SGCZ: variants seen among roughly 807,000 people sequenced by gnomAD.
SGCZ encodes the protein sarcoglycan zeta.
Under a neutral mutation model 41.3 loss-of-function variants are expected in SGCZ, and 40 were observed. The observed-to-expected ratio is 0.97, with a 90% CI of 0.75 to 1.26. SGCZ has a LOEUF of 1.26. Among genes scored for constraint, SGCZ ranks in the 50% most tolerant of loss-of-function variants. SGCZ has a pLI of 0.00. For synonymous variants in SGCZ, 206 were observed against 137.5 expected (o/e 1.50, Z -3.49); for missense variants, 552 against 369.8 (o/e 1.49, Z -4.04).
chr8:15,237,339 C>T (rs1030809940), intron 1 of SGCZ, among the ~76,000 whole-genome samples: 2 of 152,148 alleles, frequency 1.3e-5, no homozygotes, highest in African/African-American at 4.8e-5. Flanking sequence ...ACGGGGTGGC[C>T]GCTGGCGGGA....
intron 1 of SGCZ, among the ~76,000 whole-genome samples, chr8:15,211,823 A>C (rs1040219340): frequency 6.6e-6 from 1 of 152,154 alleles, no homozygotes; most frequent in Non-Finnish European, 1.5e-5. Context: ...AGGATGAATT[A>C]TATAGGCATC....
chr8:14,565,347 T>C (rs1160637056), intron 1 of SGCZ, among the ~76,000 whole-genome samples: 1 of 152,102 alleles, frequency 6.6e-6, no homozygotes, highest in Non-Finnish European at 1.5e-5. Context: ...GGCACAGGTT[T>C]ACATTTGGGC....
At chr8:15,228,964 C>G (rs533352901) in intron 1 of SGCZ, among the ~76,000 whole-genome samples, 3 of 152,076 alleles carry the variant, frequency 2.0e-5, no homozygotes, top group Admixed American at 2.0e-4. Context: ...GAGGCCAAGG[C>G]GGGTGGATCA....
At chr8:15,033,314 G>A (rs1338173000) in intron 1 of SGCZ, among the ~76,000 whole-genome samples, 1 of 151,906 alleles carries the variant, frequency 6.6e-6, no homozygotes, top group East Asian at 1.9e-4. Context: ...AGTTCCCACA[G>A]CCTCAGACTC....
chr8:14,185,765 G>A (rs1804883699), intron 4 of SGCZ, among the ~76,000 whole-genome samples: 1 of 152,044 alleles, frequency 6.6e-6, no homozygotes, highest in Admixed American at 6.6e-5. Context: ...TCACAGTAAA[G>A]ACTCTTAAAC....
rs571088454 is a variant in SGCZ, at chr8:14,667,399, T to G, written c.40-112473A>C. On this transcript the variant is annotated intron_variant, in intron 1 of 7. Transcript: ENST00000382080. ...ATGATGCAGAACTGGAAAAATCCAG[T>G]GCACAAAATGTGGGATATCACAGCA... 3.9e-5 allele frequency among the ~76,000 whole-genome samples: 6 copies of G among 152,258 alleles called. No individual in the cohort carries two copies. In the East Asian group the frequency reaches 9.7e-4, roughly 25 times the overall value.
At chr8:15,157,131 A>T (rs1211008334) in intron 1 of SGCZ, among the ~76,000 whole-genome samples, 1 of 152,146 alleles carries the variant, frequency 6.6e-6, no homozygotes, top group Non-Finnish European at 1.5e-5. Flanking sequence ...GAGGCAGAAA[A>T]ATACTTGAAC....
At chr8:15,069,172 G>GT (rs200832710) in intron 1 of SGCZ, among the ~76,000 whole-genome samples, 47 of 152,182 alleles carry the variant, frequency 3.1e-4, no homozygotes, top group African/African-American at 9.9e-4. Flanking sequence ...CAATACAGAG[G>GT]TTTTTTTGGG....
Position 14,614,350 on chromosome 8 carries a change from C to G in SGCZ, c.40-59424G>C, listed in dbSNP as rs189577457. Among the ~76,000 whole-genome samples the G allele has an allele frequency of 7.2e-5, 11 of 152,136 alleles. No individual in the cohort carries two copies. In the East Asian group the frequency reaches 2.1e-3, roughly 29 times the overall value. On this transcript the variant is annotated intron_variant, in intron 1 of 7. Transcript: ENST00000382080. ...ATGAATATAATTCCCATATCAACCG[C>G]CTATAAATTTACACATCTCACCCTC... is the stretch of plus-strand genomic sequence containing the variant.
At chr8:14,723,441 C>G (rs1354617136) in intron 1 of SGCZ, among the ~76,000 whole-genome samples, 1 of 152,064 alleles carries the variant, frequency 6.6e-6, no homozygotes, top group African/African-American at 2.4e-5. Flanking sequence ...TTTGAGCTGG[C>G]AGGGGTACCT....
chr8:14,243,359 T>G (rs1189340161), intron 3 of SGCZ, among the ~76,000 whole-genome samples: 2 of 152,192 alleles, frequency 1.3e-5, no homozygotes, highest in African/African-American at 2.4e-5. Flanking sequence ...ACTTCTTGAA[T>G]GCATCTTTTC....
chr8:14,116,626 C>G (rs1802531727), intron 5 of SGCZ, among the ~76,000 whole-genome samples: 1 of 152,022 alleles, frequency 6.6e-6, no homozygotes, highest in East Asian at 1.9e-4. Context: ...TTCTCTTCAT[C>G]TTTTTTGTTT....
chr8:14,583,622 G>T (rs1489669188), intron 1 of SGCZ, among the ~76,000 whole-genome samples: 4 of 151,938 alleles, frequency 2.6e-5, no homozygotes, highest in Non-Finnish European at 4.4e-5. Context: ...TTTCTTCTAG[G>T]GTTTTTATGG....
At chr8:14,880,767 C>T (rs1408530814) in intron 1 of SGCZ, among the ~76,000 whole-genome samples, 1 of 152,012 alleles carries the variant, frequency 6.6e-6, no homozygotes, top group Non-Finnish European at 1.5e-5. Flanking sequence ...AACACTTGGA[C>T]ACAGGAAGGG....
chr8:14,391,653 C>T (rs779994389), intron 2 of SGCZ, among the ~76,000 whole-genome samples: 1 of 152,006 alleles, frequency 6.6e-6, no homozygotes, highest in Non-Finnish European at 1.5e-5. Context: ...GCAGAGAAAA[C>T]ATTATTATGT....
At chr8:14,316,038 G>T (rs1188368880) in intron 3 of SGCZ, among the ~76,000 whole-genome samples, 1 of 151,768 alleles carries the variant, frequency 6.6e-6, no homozygotes, top group Non-Finnish European at 1.5e-5. Context: ...ACAAAAATTA[G>T]AAAATTAGTC....
At chr8:14,572,210 C>G (rs563379984) in intron 1 of SGCZ, among the ~76,000 whole-genome samples, 4 of 152,162 alleles carry the variant, frequency 2.6e-5, no homozygotes, top group Middle Eastern at 3.4e-3. Context: ...TAGTTAATGC[C>G]AAGCTTATCT....
chr8:14,403,041 C>T (rs1435746515), intron 2 of SGCZ, among the ~76,000 whole-genome samples: 1 of 149,738 alleles, frequency 6.7e-6, no homozygotes, highest in Admixed American at 6.6e-5. Context: ...ATTTTCTTCT[C>T]TTTGAAGCAA....
intron 1 of SGCZ, among the ~76,000 whole-genome samples, chr8:15,121,509 C>T (rs1264817077): frequency 2.6e-5 from 4 of 152,138 alleles, no homozygotes; most frequent in Non-Finnish European, 5.9e-5. Context: ...AGGCAAAAAA[C>T]CCACCCATAA....
Sources: allele counts gnomAD v4.1 joint callset (sites outside exome capture counted in the v4.1 genomes callset), GRCh38; gene constraint gnomAD v4.1.1; transcripts MANE v1.5; gene names NCBI Gene and HGNC (gene_info 2026-07-23, HGNC 2026-07-21).